STK32B: variants seen among roughly 807,000 people sequenced by gnomAD.
STK32B encodes serine/threonine-protein kinase 32B.
STK32B carries 43 observed loss-of-function variants against 52.6 expected under a neutral mutation model. The observed-to-expected ratio is 0.82, with a 90% confidence interval of 0.64 to 1.05. The LOEUF (loss-of-function observed/expected upper bound fraction) is 1.05. Ranked by LOEUF, STK32B falls within the 50% of genes least tolerant of loss-of-function variation. STK32B has a pLI of 0.00. For missense variants in STK32B, 621 were observed against 534.6 expected (o/e 1.16, Z -1.59); for synonymous variants, 238 against 204.3 (o/e 1.17, Z -1.41).
chr4:5,338,760 C>T (rs772504029), intron 4 of STK32B, among the ~76,000 whole-genome samples: 12 of 151,870 alleles, frequency 7.9e-5, no homozygotes, highest in Non-Finnish European at 2.9e-5. Flanking sequence ...GTCATCTGCT[C>T]TTAGATTCCA....
chr4:5,084,997 C>G (rs910205158), intron 1 of STK32B, among the ~76,000 whole-genome samples: 2 of 152,100 alleles, frequency 1.3e-5, no homozygotes, highest in Non-Finnish European at 2.9e-5. Flanking sequence ...AAATCAGTTC[C>G]CCAGTTATTA....
chr4:5,348,261 G>T (rs951198558), intron 4 of STK32B, among the ~76,000 whole-genome samples: 3 of 152,194 alleles, frequency 2.0e-5, no homozygotes, highest in Non-Finnish European at 4.4e-5. Flanking sequence ...ATAAGGAACT[G>T]CATGGAGACT....
In STK32B at chr4:5,092,791, C is replaced by A. The variant is rs552782248; in HGVS notation, c.52+40876C>A. Among the ~76,000 whole-genome samples, 14 of 152,184 alleles carry A rather than the reference C, an allele frequency of 9.2e-5. 1 individual carries two copies. In the Middle Eastern group the frequency reaches 0.014, roughly 148 times the overall value. On this transcript the variant is annotated intron_variant, in intron 1 of 11. Coordinates refer to ENST00000282908, the MANE Select transcript of STK32B (RefSeq NM_018401.3). ...GTGCTAAACCATTCATGAGAAACGG[C>A]CCTCATGATCCAATCACCTCCCACC...
intron 11 of STK32B, among the ~76,000 whole-genome samples, chr4:5,476,386 A>T (rs1478735032): frequency 6.6e-6 from 1 of 152,214 alleles, no homozygotes; most frequent in Non-Finnish European, 1.5e-5. Context: ...CAGAAACTGT[A>T]ATTACAATAT....
intron 4 of STK32B, among the ~76,000 whole-genome samples, chr4:5,367,329 G>T (rs561591606): frequency 6.6e-5 from 10 of 152,272 alleles, no homozygotes; most frequent in African/African-American, 2.4e-4. Flanking sequence ...ATGTGTGGTT[G>T]CACAGACAGA....
In STK32B at chr4:5,394,007, C is replaced by T. The variant is rs941152867; in HGVS notation, c.435-4200C>T. ...CTTTCCCCTCCAGGTTTTTGTATTTCTCTTTACTGCTGCATAAGATTGCCA... is the reference window on the plus strand; with the variant it reads ...CTTTCCCCTCCAGGTTTTTGTATTTTTCTTTACTGCTGCATAAGATTGCCA... On this transcript the variant is annotated intron_variant, in intron 4 of 11. Transcript: ENST00000282908. This position sits in a 1 kb window ranked among gnomAD's most constrained non-coding sequence, Gnocchi z 4.2. Among the ~76,000 whole-genome samples the T allele has an allele frequency of 6.6e-6, 1 of 152,152 alleles. No individual in the cohort carries two copies. The highest frequency in any genetic ancestry group is 6.5e-5 in the Admixed American group (1 of 15,272).
intron 3 of STK32B, among the ~76,000 whole-genome samples, chr4:5,207,203 G>A (rs1345767568): frequency 6.6e-6 from 1 of 152,172 alleles, no homozygotes; most frequent in Admixed American, 6.5e-5. Flanking sequence ...GTATTCCTCT[G>A]CATCCACCCT....
At chr4:5,444,628 C>A (rs1005724967) in intron 6 of STK32B, among the ~76,000 whole-genome samples, 2 of 152,208 alleles carry the variant, frequency 1.3e-5, no homozygotes, top group Non-Finnish European at 2.9e-5. Flanking sequence ...GCTCCTCCCC[C>A]CGCCTTGGGC....
intron 6 of STK32B, among the ~76,000 whole-genome samples, chr4:5,432,607 A>T (rs1358631572): frequency 6.6e-6 from 1 of 152,190 alleles, no homozygotes; most frequent in Non-Finnish European, 1.5e-5. Context: ...AAAGTCATTG[A>T]TGATTCAAAA....
At chr4:5,136,234 A>G (rs1320793256) in intron 1 of STK32B, among the ~76,000 whole-genome samples, 7 of 152,236 alleles carry the variant, frequency 4.6e-5, no homozygotes, top group Non-Finnish European at 1.0e-4. Context: ...AATGCCGCCA[A>G]TGTGTTGTTC....
intron 1 of STK32B, among the ~76,000 whole-genome samples, chr4:5,122,844 C>G (rs1404992351): frequency 6.6e-6 from 1 of 152,158 alleles, no homozygotes; most frequent in African/African-American, 2.4e-5. Context: ...GATACTCTCC[C>G]TGGTTCTCTC....
intron 6 of STK32B, among the ~76,000 whole-genome samples, chr4:5,436,160 C>A (rs1297155857): frequency 6.6e-6 from 1 of 152,122 alleles, no homozygotes; most frequent in African/African-American, 2.4e-5. Context: ...ACCTTGTGTT[C>A]CACCAAAAAT....
intron 6 of STK32B, among the ~76,000 whole-genome samples, chr4:5,418,040 C>T (rs1422749025): frequency 6.6e-6 from 1 of 152,200 alleles, no homozygotes; most frequent in African/African-American, 2.4e-5. Context: ...CTTCACATTT[C>T]CTGGTGTTCT....
intron 3 of STK32B, among the ~76,000 whole-genome samples, chr4:5,274,297 A>T (rs919735326): frequency 6.6e-6 from 1 of 152,228 alleles, no homozygotes; most frequent in African/African-American, 2.4e-5. Context: ...ATAGATCAAT[A>T]GAACAGAATT....
At chr4:5,359,803 C>G (rs1007988479) in intron 4 of STK32B, among the ~76,000 whole-genome samples, 6 of 152,118 alleles carry the variant, frequency 3.9e-5, no homozygotes, top group Non-Finnish European at 8.8e-5. Flanking sequence ...ACCAGTGCAG[C>G]TGGAGCAACA....
intron 1 of STK32B, among the ~76,000 whole-genome samples, chr4:5,068,535 T>G (rs901905068): frequency 1.3e-5 from 2 of 152,206 alleles, no homozygotes; most frequent in African/African-American, 4.8e-5. Flanking sequence ...CTAAGTTGTC[T>G]TAGGTGACAT....
intron 11 of STK32B, among the ~76,000 whole-genome samples, chr4:5,476,063 T>C (rs1294937609): frequency 6.6e-6 from 1 of 151,200 alleles, no homozygotes; most frequent in Admixed American, 6.6e-5. Context: ...CCCAGCTAAT[T>C]TTTGTATTTT....
chr4:5,257,163 GTGAA>G (rs1035521565), intron 3 of STK32B, among the ~76,000 whole-genome samples: 3 of 152,146 alleles, frequency 2.0e-5, no homozygotes, highest in Admixed American at 6.5e-5. Flanking sequence ...GGGCAACTGA[GTGAA>G]TGAATGAGTG....
At chr4:5,491,887 G>A (rs1719764547) in intron 11 of STK32B, among the ~76,000 whole-genome samples, 1 of 152,184 alleles carries the variant, frequency 6.6e-6, no homozygotes, top group Non-Finnish European at 1.5e-5. Flanking sequence ...TCAGATGGTT[G>A]TAGATATGCG....
Sources: allele counts gnomAD v4.1 joint callset (sites outside exome capture counted in the v4.1 genomes callset), GRCh38; gene constraint gnomAD v4.1.1; non-coding constraint Gnocchi (gnomAD v3.1); transcripts MANE v1.5; gene names NCBI Gene and HGNC (gene_info 2026-07-23, HGNC 2026-07-21).